The following TACC2 variants were observed in gnomAD, a reference collection of about 807,000 sequenced individuals.
TACC2 encodes the protein transforming acidic coiled-coil containing protein 2.
In TACC2, 137 loss-of-function variants were observed where a neutral mutation model predicts 227.3. The ratio of observed to expected loss-of-function variants is 0.60; its 90% CI spans 0.52 to 0.69. The LOEUF (loss-of-function observed/expected upper bound fraction) is 0.69. Ranked by LOEUF, TACC2 falls within the 30% of genes least tolerant of loss-of-function variation. TACC2 has a pLI of 0.00. For missense variants in TACC2, 3,470 were observed against 3,694.4 expected, an observed-to-expected ratio of 0.94 and a Z score of 1.57; for synonymous variants, 1,523 against 1,487.5, an observed-to-expected ratio of 1.02 and a Z score of -0.55.
At chr10:122,046,315 A>G (rs2074989615) in intron 2 of TACC2, among the ~76,000 whole-genome samples, 1 of 151,176 alleles carries the variant, frequency 6.6e-6, no homozygotes, top group Admixed American at 6.6e-5. Context: ...TCTACTAAAA[A>G]TACAAAAAAT....
At chr10:122,058,918 G>A (rs1239838409) in intron 3 of TACC2, among the ~76,000 whole-genome samples, 2 of 147,916 alleles carry the variant, frequency 1.4e-5, no homozygotes, top group Non-Finnish European at 3.0e-5. Context: ...TTGAGACACG[G>A]TTTCGTTTTT....
intron 7 of TACC2, among the ~76,000 whole-genome samples, chr10:122,152,131 G>C (rs573039735): frequency 3.9e-5 from 6 of 152,200 alleles, no homozygotes; most frequent in Non-Finnish European, 5.9e-5. Context: ...GGCAAAGGAT[G>C]GTGGCTCTTT....
chr10:122,104,027 G>T (rs558421125), intron 5 of TACC2, among the ~76,000 whole-genome samples: 1 of 152,294 alleles, frequency 6.6e-6, no homozygotes, highest in South Asian at 2.1e-4. Flanking sequence ...TCCTTATCTA[G>T]AAGGCATTGT....
At chr10:122,161,252 A>C (rs765029059) in intron 7 of TACC2, among the ~76,000 whole-genome samples, 7 of 152,034 alleles carry the variant, frequency 4.6e-5, no homozygotes, top group Non-Finnish European at 1.0e-4. Context: ...CTGGTTCTTG[A>C]TTGTGTTTTT....
chr10:122,190,885 A>C (rs1249717266), intron 7 of TACC2, among the ~76,000 whole-genome samples: 1 of 152,186 alleles, frequency 6.6e-6, no homozygotes, highest in Non-Finnish European at 1.5e-5. Flanking sequence ...GTAAATTGCT[A>C]TTACATTACA....
intron 7 of TACC2, chr10:122,164,099 C>A: frequency 1.4e-6 from 2 of 1,387,342 alleles, no homozygotes; most frequent in South Asian, 1.3e-5. Flanking sequence ...GGAGCCCAGG[C>A]TGGCCTGGGG....
chr10:122,213,509 GA>G, intron 9 of TACC2: 1 of 870,212 alleles, frequency 1.1e-6, no homozygotes, highest in Non-Finnish European at 1.9e-6. Context: ...GCCTGCGAAT[GA>G]TGGGGCATGG....
chr10:122,238,611 G>GGC (rs1184356434), intron 18 of TACC2, among the ~76,000 whole-genome samples: 6 of 152,058 alleles, frequency 3.9e-5, no homozygotes, highest in Non-Finnish European at 5.9e-5. Context: ...CACCATGGCT[G>GGC]GCTAATTTTT....
chr10:122,190,652 C>T (rs1306282636), intron 7 of TACC2, among the ~76,000 whole-genome samples: 1 of 152,024 alleles, frequency 6.6e-6, no homozygotes, highest in Admixed American at 6.6e-5. Flanking sequence ...GCCCTGTCTG[C>T]CTTATTAAAA....
At chr10:122,001,063 T>A (rs1345650397) in intron 1 of TACC2, among the ~76,000 whole-genome samples, 2 of 152,244 alleles carry the variant, frequency 1.3e-5, no homozygotes, top group Non-Finnish European at 2.9e-5. Flanking sequence ...CCTCTGGTCA[T>A]CCACCTGCCG....
intron 7 of TACC2, among the ~76,000 whole-genome samples, chr10:122,183,751 C>G (rs2094064021): frequency 6.6e-6 from 1 of 152,138 alleles, no homozygotes; most frequent in African/African-American, 2.4e-5. Context: ...CATACAGGAG[C>G]CTCCGTGAGT....
Position 122,150,773 on chromosome 10 carries a change from G to A in TACC2, c.5834+7067G>A, listed in dbSNP as rs550270294. 6.6e-5 allele frequency among the ~76,000 whole-genome samples: 10 copies of A among 152,344 alleles called. No individual in the cohort carries two copies. Among genetic ancestry groups the A allele is most frequent in the African/African-American group, 2.4e-4 (10 of 41,578 alleles). The stretch of plus-strand genomic sequence containing the variant: ...CTGTCAGGAGAAGGACCTGCTGAGC[G>A]CTGGAGTCTAGGTGGAGTCATGCAG... On this transcript the variant is annotated intron_variant, in intron 7 of 22. Transcript: ENST00000369005. This position sits in a 1 kb window ranked among gnomAD's most constrained non-coding sequence, Gnocchi z 4.0.
At chr10:122,252,872 C>T (rs1289670751) in intron 22 of TACC2, among the ~76,000 whole-genome samples, 1 of 152,202 alleles carries the variant, frequency 6.6e-6, no homozygotes, top group Non-Finnish European at 1.5e-5. Flanking sequence ...TTCAGTGCCT[C>T]TCTCGAGTTG....
chr10:122,160,230 G>A (rs929502090), intron 7 of TACC2, among the ~76,000 whole-genome samples: 11 of 152,200 alleles, frequency 7.2e-5, no homozygotes, highest in African/African-American at 2.2e-4. Flanking sequence ...GGGGACGTCA[G>A]TAGGAAGGTT....
chr10:122,048,576 T>G (rs1449849365), intron 2 of TACC2, among the ~76,000 whole-genome samples: 1 of 151,988 alleles, frequency 6.6e-6, no homozygotes, highest in African/African-American at 2.4e-5. Context: ...CAGGCTGGTC[T>G]CGAACTCCTG....
chr10:122,195,238 T>TGCA (rs2094528083), intron 8 of TACC2, 62 bp downstream of exon 8: 1 of 1,458,778 alleles, frequency 6.9e-7, no homozygotes, highest in Non-Finnish European at 9.3e-7. Flanking sequence ...GGGGGAGATT[T>TGCA]GCAGCAGTTC....
Position 122,084,529 on chromosome 10 carries a change from G to A in TACC2, c.2029G>A (p.Ala677Thr), listed in dbSNP as rs199569835. 22 of 1,613,654 alleles carry A rather than the reference G, an allele frequency of 1.4e-5. No homozygotes were observed. In the East Asian group the frequency reaches 3.8e-4, roughly 28 times the overall value. Residue 677 changes from alanine (A) to threonine (T), a missense_variant, in exon 4 of 23, where the codon GCT (alanine) becomes ACT (threonine). Coordinates refer to ENST00000369005, the MANE Select transcript of TACC2 (RefSeq NM_206862.4). ...CGTCCTGCCCCCTGTGCCAGATGGA[G>A]CTGGTGAGCCCACTGTTCCCGAAGG... is the stretch of plus-strand genomic sequence containing the variant. ...DPVLPPVPDGAGEPTVPEGAI... is the reference protein window; with the variant it reads ...DPVLPPVPDGTGEPTVPEGAI...
chr10:122,065,114 G>C (rs2077244857), intron 3 of TACC2, among the ~76,000 whole-genome samples: 1 of 152,132 alleles, frequency 6.6e-6, no homozygotes, highest in Admixed American at 6.6e-5. Context: ...GTGGTAAAGG[G>C]CAGAACATAA....
At chr10:122,230,936 T>A (rs1318372905) in intron 16 of TACC2, among the ~76,000 whole-genome samples, 2 of 152,206 alleles carry the variant, frequency 1.3e-5, no homozygotes, top group Non-Finnish European at 2.9e-5. Flanking sequence ...ACCAAGACAT[T>A]TGATAATATT....
Sources: gnomAD v4.1 joint callset for allele counts (sites outside exome capture counted in the v4.1 genomes callset) on GRCh38, gnomAD v4.1.1 for gene constraint, Gnocchi (gnomAD v3.1) non-coding constraint, MANE v1.5 for transcripts, NCBI Gene and HGNC (gene_info 2026-07-23, HGNC 2026-07-21) for gene names.